PDE1A: variants seen among roughly 807,000 people sequenced by gnomAD.
The protein encoded by PDE1A is phosphodiesterase 1A.
A neutral mutation model predicts 61.7 loss-of-function variants in PDE1A; 35 were observed. That is an observed-to-expected ratio of 0.57 (90% confidence interval 0.43 to 0.75). PDE1A has a LOEUF of 0.75. PDE1A is among the 30% of genes least tolerant of loss of function. The probability of loss-of-function intolerance (pLI) is 0.00; values close to 1 mark genes in which losing one functional copy is unlikely to be tolerated. For missense variants in PDE1A, 597 were observed against 630.6 expected (o/e 0.95, Z 0.57); for synonymous variants, 232 against 213.2 (o/e 1.09, Z -0.77).
At chr2:182,190,062 C>T (rs1200281790) in intron 10 of PDE1A, among the ~76,000 whole-genome samples, 1 of 152,202 alleles carries the variant, frequency 6.6e-6, no homozygotes, top group Non-Finnish European at 1.5e-5. Context: ...TCTTTCTATG[C>T]TAATCTTTAC....
chr2:182,169,492 A>G (rs1359652241), intron 13 of PDE1A, among the ~76,000 whole-genome samples: 1 of 152,074 alleles, frequency 6.6e-6, no homozygotes, highest in African/African-American at 2.4e-5. Context: ...GACACACAGA[A>G]AGAAAAAAAA....
At chr2:182,199,646 C>A (rs1405305527) in intron 10 of PDE1A, among the ~76,000 whole-genome samples, 1 of 152,008 alleles carries the variant, frequency 6.6e-6, no homozygotes, top group Non-Finnish European at 1.5e-5. Flanking sequence ...TTGAGTATAT[C>A]ATTATAATTT....
At chr2:182,589,291 GGAAGGA>G in the PDE1A span, among the ~76,000 whole-genome samples, 1 of 148,080 alleles carries the variant, frequency 6.8e-6, no homozygotes, top group Non-Finnish European at 1.5e-5. Context: ...AAGGAAGGAA[GGAAGGA>G]AGGAAGGAAG....
In PDE1A at chr2:182,240,302, T is replaced by C. The variant is rs569071824; in HGVS notation, c.168-10A>G. The C allele has an allele frequency of 8.0e-6, 12 of 1,506,230 alleles. No homozygotes were observed. In the South Asian group the frequency reaches 1.5e-4, roughly 19 times the overall value. The allele number at this position is 1,506,230 out of a possible 1,614,324, so 93.3% of individuals were successfully genotyped here. A position where few individuals can be genotyped will look rare whatever the true frequency, so the allele number is the denominator to read the frequency against. On this transcript the variant is annotated splice_polypyrimidine_tract_variant and intron_variant, in intron 2 of 13. Transcript: ENST00000351439. ...AGTATCCAGAAGTCTTCTACAAAAA[T>C]TTATACAGATTAAACTTTTTTATAA...
chr2:182,244,286 T>C (rs566106325), intron 2 of PDE1A, among the ~76,000 whole-genome samples: 40 of 152,224 alleles, frequency 2.6e-4, no homozygotes, highest in Admixed American at 7.2e-4. Context: ...CTAGTTTCCA[T>C]ATCTATCATT....
At chr2:182,658,400 G>C in the PDE1A span, among the ~76,000 whole-genome samples, 3 of 152,168 alleles carry the variant, frequency 2.0e-5, no homozygotes, top group Non-Finnish European at 2.9e-5. Flanking sequence ...TTATTAGAAG[G>C]ACACTGGTCA....
chr2:182,536,891 G>C, the PDE1A span, among the ~76,000 whole-genome samples: 1 of 152,142 alleles, frequency 6.6e-6, no homozygotes, highest in Non-Finnish European at 1.5e-5. Flanking sequence ...AAGCCACCAT[G>C]CTGGAGAGTC....
At chr2:182,416,330 A>T (rs1321120616) in intron 1 of PDE1A, among the ~76,000 whole-genome samples, 1 of 152,198 alleles carries the variant, frequency 6.6e-6, no homozygotes, top group Non-Finnish European at 1.5e-5. Context: ...GGCAAGTTAA[A>T]ATGCTGCCAA....
intron 2 of PDE1A, among the ~76,000 whole-genome samples, chr2:182,493,430 C>T (rs917174691): frequency 6.6e-6 from 1 of 152,084 alleles, no homozygotes; most frequent in Non-Finnish European, 1.5e-5. Context: ...TATCCCTCCC[C>T]GCCTCCTCAC....
the PDE1A span, among the ~76,000 whole-genome samples, chr2:182,585,818 A>G: frequency 6.6e-6 from 1 of 152,208 alleles, no homozygotes; most frequent in Non-Finnish European, 1.5e-5. Flanking sequence ...AGCCAGTTAA[A>G]TATCATCTGT....
At chr2:182,239,326 T>C (rs1485304185) in intron 3 of PDE1A, among the ~76,000 whole-genome samples, 1 of 152,222 alleles carries the variant, frequency 6.6e-6, no homozygotes, top group East Asian at 1.9e-4. Flanking sequence ...CAAATAATCA[T>C]TCCACATATA....
At chr2:182,413,003 G>C (rs1702707453) in intron 1 of PDE1A, among the ~76,000 whole-genome samples, 1 of 152,166 alleles carries the variant, frequency 6.6e-6, no homozygotes, top group South Asian at 2.1e-4. Context: ...GCATGGACGA[G>C]GACAGAGACC....
chr2:182,219,014 C>G (rs1368440881), intron 7 of PDE1A, among the ~76,000 whole-genome samples: 1 of 152,042 alleles, frequency 6.6e-6, no homozygotes, highest in Non-Finnish European at 1.5e-5. Context: ...GATACCATCC[C>G]TGTTCCTTTA....
chr2:182,678,596 T>C, the PDE1A span, among the ~76,000 whole-genome samples: 1 of 152,132 alleles, frequency 6.6e-6, no homozygotes, highest in African/African-American at 2.4e-5. Context: ...AGATTTCAGG[T>C]ATATTATTTA....
At chr2:182,394,092 T>C (rs918669587) in intron 1 of PDE1A, among the ~76,000 whole-genome samples, 1 of 152,172 alleles carries the variant, frequency 6.6e-6, no homozygotes, top group African/African-American at 2.4e-5. Context: ...TTTTCATGCA[T>C]TTTTAGAGCA....
chr2:182,343,581 G>C (rs996295750), intron 1 of PDE1A, among the ~76,000 whole-genome samples: 5 of 152,092 alleles, frequency 3.3e-5, no homozygotes, highest in African/African-American at 1.2e-4. Flanking sequence ...ACATTTTGCA[G>C]CCTAATTGAC....
At chr2:182,516,457 C>T (rs1690154848) in intron 2 of PDE1A, among the ~76,000 whole-genome samples, 1 of 151,908 alleles carries the variant, frequency 6.6e-6, no homozygotes, top group East Asian at 1.9e-4. Flanking sequence ...TCAAGACCAG[C>T]CTGAGCAACA....
At chr2:182,479,864 T>A (rs549783357) in intron 2 of PDE1A, among the ~76,000 whole-genome samples, 2 of 151,608 alleles carry the variant, frequency 1.3e-5, no homozygotes, top group Non-Finnish European at 3.0e-5. Context: ...AGTCATTTGA[T>A]TCTTTATGTA....
chr2:182,648,307 G>T, the PDE1A span, among the ~76,000 whole-genome samples: 1 of 151,874 alleles, frequency 6.6e-6, no homozygotes, highest in Admixed American at 6.6e-5. Flanking sequence ...CAGAATAGGA[G>T]CTCTGATTCA....
Sources: allele counts gnomAD v4.1 joint callset (sites outside exome capture counted in the v4.1 genomes callset), GRCh38; gene constraint gnomAD v4.1.1; transcripts MANE v1.5; gene names NCBI Gene and HGNC (gene_info 2026-07-23, HGNC 2026-07-21).